The following DOCK1 variants were observed in gnomAD, a reference collection of about 807,000 sequenced individuals.
DOCK1 encodes the protein dedicator of cytokinesis 1.
DOCK1 carries 138 observed loss-of-function variants against 262.7 expected under a neutral mutation model. The ratio of observed to expected loss-of-function variants is 0.53; its 90% CI spans 0.46 to 0.61. The LOEUF is 0.61. Ranked by LOEUF, DOCK1 falls within the 20% of genes least tolerant of loss-of-function variation. The probability of loss-of-function intolerance (pLI) is 0.00; values close to 1 mark genes in which losing one functional copy is unlikely to be tolerated. For synonymous variants in DOCK1, 866 were observed against 867.4 expected (o/e 1.00, Z 0.03); for missense variants, 1,908 against 2,370.7 (o/e 0.80, Z 4.05).
chr10:127,041,614 T>G (rs1463850979), intron 19 of DOCK1, among the ~76,000 whole-genome samples: 1 of 152,250 alleles, frequency 6.6e-6, no homozygotes, highest in African/African-American at 2.4e-5. Flanking sequence ...AATCTGTGTT[T>G]AAGTTTTTGA....
chr10:127,145,836 TCA>T (rs2051771608), intron 27 of DOCK1: 1 of 352,494 alleles, frequency 2.8e-6, no homozygotes. Flanking sequence ...ATAGTTCTCA[TCA>T]CACACGGAAA....
At position 127,409,069 on chromosome 10, in the gene DOCK1, T is replaced by C. The variant is rs1282725482; in HGVS notation, c.4155T>C (p.Tyr1385=). The C allele has an allele frequency of 6.3e-7, 1 of 1,593,818 alleles. No individual in the cohort carries two copies. Among genetic ancestry groups the C allele is most frequent in the Non-Finnish European group, 8.6e-7 (1 of 1,169,048 alleles). The change falls in exon 41 of 52, where the codon TAT becomes TAC. Residue 1385 remains tyrosine, a synonymous_variant. Transcript: ENST00000623213. ...GKVFIYRGKE[Y]ERREDFEARL... is the part of the protein sequence containing the mutation. Reference sequence around the variant, plus strand: ...TTTTCATTTACCGAGGGAAAGAGTATGAGCGCCGGGAAGATTTTGAGGCTC... The same window carrying C: ...TTTTCATTTACCGAGGGAAAGAGTACGAGCGCCGGGAAGATTTTGAGGCTC...
At chr10:127,191,663 AG>A (rs745980519) in intron 27 of DOCK1, among the ~76,000 whole-genome samples, 22 of 152,346 alleles carry the variant, frequency 1.4e-4, no homozygotes, top group African/African-American at 4.8e-4. Context: ...TCACATCACC[AG>A]TGGAATGACC....
chr10:126,986,452 C>A (rs1278235569), intron 4 of DOCK1, among the ~76,000 whole-genome samples: 1 of 152,162 alleles, frequency 6.6e-6, no homozygotes, highest in Non-Finnish European at 1.5e-5. Context: ...CACAGACAAC[C>A]TGTGGGGCCA....
At chr10:127,037,640 C>A in intron 18 of DOCK1, 79 bp from the exon 19 acceptor site, 2 of 1,238,876 alleles carry the variant, frequency 1.6e-6, no homozygotes, top group Non-Finnish European at 1.1e-6. Context: ...TTATAGAGAA[C>A]CTCACATAAT....
intron 23 of DOCK1, among the ~76,000 whole-genome samples, chr10:127,094,699 C>A (rs1388232938): frequency 1.3e-5 from 2 of 152,214 alleles, no homozygotes; most frequent in Non-Finnish European, 2.9e-5. Flanking sequence ...CGAAGGGCTC[C>A]ATTTTGTCAG....
rs77780474 is a variant in DOCK1 at position 127,376,194 on chromosome 10, A to G, written c.3675+1980A>G. 5.5e-3 allele frequency among the ~76,000 whole-genome samples: 839 copies of G among 152,358 alleles called. 10 individuals are homozygous for G. Among genetic ancestry groups the G allele is most frequent in the African/African-American group, 0.019 (810 of 41,582 alleles). On this transcript the variant is annotated intron_variant, in intron 35 of 51. Coordinates refer to ENST00000623213, the MANE Select transcript of DOCK1 (RefSeq NM_001290223.2). ...GGCTCTAATGGGAAAAGTAGATAAA[A>G]CATAAAAGAAGGTGGGTAAACTACG... is the stretch of plus-strand genomic sequence containing the variant.
chr10:127,390,523 G>T (rs190664519), intron 38 of DOCK1, among the ~76,000 whole-genome samples: 1 of 152,226 alleles, frequency 6.6e-6, no homozygotes, highest in Admixed American at 6.5e-5. Flanking sequence ...TCTGACTGGT[G>T]TCCTTATAAG....
At chr10:127,364,247 G>T (rs1052301459) in intron 33 of DOCK1, among the ~76,000 whole-genome samples, 1 of 152,308 alleles carries the variant, frequency 6.6e-6, no homozygotes, top group East Asian at 1.9e-4. Context: ...TGCTGGAGCC[G>T]TTTCCTTTAA....
chr10:127,089,816 G>A (rs2047411536), intron 23 of DOCK1, among the ~76,000 whole-genome samples: 1 of 152,228 alleles, frequency 6.6e-6, no homozygotes, highest in African/African-American at 2.4e-5. Flanking sequence ...TTCCTTTGGA[G>A]GAGAAAAGAT....
At chr10:127,432,172 T>C (rs1021939216) in intron 47 of DOCK1, among the ~76,000 whole-genome samples, 1 of 152,220 alleles carries the variant, frequency 6.6e-6, no homozygotes, top group African/African-American at 2.4e-5. Flanking sequence ...TGGGGACAAC[T>C]GCTTTACAGA....
At chr10:127,022,029 C>T (rs1293751422) in intron 13 of DOCK1, among the ~76,000 whole-genome samples, 1 of 152,102 alleles carries the variant, frequency 6.6e-6, no homozygotes, top group Non-Finnish European at 1.5e-5. Flanking sequence ...GAGGCTTCCT[C>T]TAAATCATGT....
intron 29 of DOCK1, among the ~76,000 whole-genome samples, chr10:127,303,318 AG>A (rs1379314767): frequency 1.3e-5 from 2 of 152,188 alleles, no homozygotes; most frequent in East Asian, 3.9e-4. Context: ...GCAAAGGTGG[AG>A]GATGAGTAAT....
chr10:127,303,377 G>T (rs2061756893), intron 29 of DOCK1, among the ~76,000 whole-genome samples: 1 of 152,210 alleles, frequency 6.6e-6, no homozygotes, highest in Admixed American at 6.5e-5. Context: ...CTCTTAGCAG[G>T]ATAGAGCCAA....
At chr10:127,025,564 A>C (rs547431029) in intron 15 of DOCK1, among the ~76,000 whole-genome samples, 36 of 152,244 alleles carry the variant, frequency 2.4e-4, no homozygotes, top group African/African-American at 8.7e-4. Flanking sequence ...CTCTTGCCTC[A>C]GCTTCCTGAG....
chr10:126,951,935 C>T (rs958896934), intron 1 of DOCK1, among the ~76,000 whole-genome samples: 24 of 151,406 alleles, frequency 1.6e-4, no homozygotes, highest in African/African-American at 4.1e-4. Flanking sequence ...CTGCAACCTC[C>T]GCCTCCTGGG....
intron 24 of DOCK1, among the ~76,000 whole-genome samples, chr10:127,108,743 A>G (rs2048692771): frequency 6.6e-6 from 1 of 152,246 alleles, no homozygotes; most frequent in African/African-American, 2.4e-5. Context: ...CAGCAACAAT[A>G]GACGCAGCAT....
chr10:127,314,891 G>A (rs2062207472), intron 29 of DOCK1, among the ~76,000 whole-genome samples: 1 of 152,220 alleles, frequency 6.6e-6, no homozygotes. Context: ...TGTTCAGAAA[G>A]CACTTGGACT....
chr10:127,214,339 C>G (rs549786214), intron 27 of DOCK1, among the ~76,000 whole-genome samples: 2 of 152,146 alleles, frequency 1.3e-5, no homozygotes, highest in South Asian at 4.1e-4. Flanking sequence ...CATTTTCCCT[C>G]GCTTCTCTTT....
Sources: gnomAD v4.1 joint callset for allele counts (sites outside exome capture counted in the v4.1 genomes callset) on GRCh38, gnomAD v4.1.1 for gene constraint, MANE v1.5 for transcripts, NCBI Gene and HGNC (gene_info 2026-07-23, HGNC 2026-07-21) for gene names.